The following PRKCD variants were observed in gnomAD, a reference collection of about 807,000 sequenced individuals.
PRKCD encodes protein kinase C delta.
Under a neutral mutation model 82.2 loss-of-function variants are expected in PRKCD, and 20 were observed. The ratio of observed to expected loss-of-function variants is 0.24; its 90% CI spans 0.17 to 0.35. PRKCD has a LOEUF of 0.35. PRKCD is among the 10% of genes least tolerant of loss of function. The pLI is 1.00. For synonymous variants in PRKCD, 317 were observed against 337.0 expected, an observed-to-expected ratio of 0.94 and a Z score of 0.65; for missense variants, 607 against 899.0, an observed-to-expected ratio of 0.68 and a Z score of 4.15.
At chr3:53,166,279 G>A (rs1438933517) in intron 2 of PRKCD, among the ~76,000 whole-genome samples, 1 of 152,182 alleles carries the variant, frequency 6.6e-6, no homozygotes, top group African/African-American at 2.4e-5. Context: ...AACCTGGTGT[G>A]GAGGAAGTAA....
intron 2 of PRKCD, among the ~76,000 whole-genome samples, chr3:53,166,277 G>A (rs1241371738): frequency 6.6e-6 from 1 of 152,178 alleles, no homozygotes; most frequent in Non-Finnish European, 1.5e-5. Flanking sequence ...TAAACCTGGT[G>A]TGGAGGAAGT....
At chr3:53,178,344 C>A in intron 2 of PRKCD, 60 bp from the exon 3 acceptor site, 1 of 1,149,142 alleles carries the variant, frequency 8.7e-7, no homozygotes, top group Non-Finnish European at 1.3e-6. Flanking sequence ...CTGAGTGCTG[C>A]CCGTGACTGT....
rs1338539106 is a variant in PRKCD, at chr3:53,169,212, G to A, written c.-20+3997G>A. Among the ~76,000 whole-genome samples, 1 of 152,152 alleles carries A rather than the reference G, an allele frequency of 6.6e-6. No individual in the cohort carries two copies. The highest frequency in any genetic ancestry group is 1.5e-5 in the Non-Finnish European group (1 of 68,012). ...GAGGGGAACGGCGGGGGACTGGTGT[G>A]GGCAGGCTTGAGCTCTTCTGGAGTC... On this transcript the variant is annotated intron_variant, in intron 2 of 18. Transcript: ENST00000330452. The surrounding 1 kb of genome is among the most constrained non-coding windows in gnomAD (Gnocchi z 4.7).
rs1215512911 is a variant in PRKCD at position 53,179,799 on chromosome 3, C to T, written c.315+23C>T. 9 of 1,410,006 alleles carry T rather than the reference C, an allele frequency of 6.4e-6. No homozygotes were observed. The African/African-American group carries it at 7.0e-5, about 11-fold the overall frequency. 87.3% of individuals were successfully genotyped at this position (1,410,006 alleles called of 1,614,324 possible). A position where few individuals can be genotyped will look rare whatever the true frequency, so the allele number is the denominator to read the frequency against. On this transcript the variant is annotated intron_variant, in intron 4 of 18. Transcript: ENST00000330452. ...TGGGTAAGGGGCGCACGAGCCGTGC[C>T]GTGTGTGTGTGTGTGTGTGTCTGTG... is the stretch of plus-strand genomic sequence containing the variant.
intron 3 of PRKCD, 91 bp downstream of exon 3, chr3:53,178,628 T>C: frequency 9.7e-7 from 1 of 1,029,428 alleles, no homozygotes; most frequent in Non-Finnish European, 1.4e-6. Context: ...CCCTGCAACC[T>C]CTGAAGGATT....
intron 2 of PRKCD, among the ~76,000 whole-genome samples, chr3:53,172,210 C>T (rs537500907): frequency 3.3e-4 from 50 of 152,168 alleles, no homozygotes; most frequent in African/African-American, 1.2e-3. Context: ...TAGCCTTTCC[C>T]CTCCCACCTC....
chr3:53,174,009 C>A (rs1703133316), intron 2 of PRKCD, among the ~76,000 whole-genome samples: 2 of 152,226 alleles, frequency 1.3e-5, no homozygotes, highest in Non-Finnish European at 2.9e-5. Context: ...AGGACCTGGG[C>A]TGCAACATCG....
rs782388198 is a variant in PRKCD at position 53,185,776 on chromosome 3, AT to A, written c.985+78del. The A allele has an allele frequency of 3.2e-6, 5 of 1,548,734 alleles. No homozygotes were observed. The East Asian group carries it at 1.1e-4, about 35-fold the overall frequency. ...AAGAAAGGGGACTGTCCTCCCTTCCATTGTCAAGTGAGACATGGAAGGAACC... is the reference window on the plus strand; with the variant it reads ...AAGAAAGGGGACTGTCCTCCCTTCCATGTCAAGTGAGACATGGAAGGAACC... On this transcript the variant is annotated intron_variant, in intron 11 of 18. Coordinates refer to ENST00000330452, the MANE Select transcript of PRKCD (RefSeq NM_006254.4).
At chr3:53,161,857 C>T (rs1370876166) in intron 1 of PRKCD, among the ~76,000 whole-genome samples, 1 of 141,910 alleles carries the variant, frequency 7.0e-6, no homozygotes, top group Admixed American at 7.0e-5. Context: ...TCGCCCCACC[C>T]CCACCCACAC....
intron 7 of PRKCD, among the ~76,000 whole-genome samples, chr3:53,182,276 T>G (rs75714659): frequency 1.1e-5 from 1 of 93,830 alleles, no homozygotes; most frequent in African/African-American, 4.5e-5. Context: ...ATCTATAATT[T>G]TTTTTTTTTT....
rs1575525325 is a variant in PRKCD, at chr3:53,169,209, T to C, written c.-20+3994T>C. On this transcript the variant is annotated intron_variant, in intron 2 of 18. Coordinates refer to ENST00000330452, the MANE Select transcript of PRKCD (RefSeq NM_006254.4). This position sits in a 1 kb window ranked among gnomAD's most constrained non-coding sequence, Gnocchi z 4.7. Reference sequence around the variant, plus strand: ...TGGGAGGGGAACGGCGGGGGACTGGTGTGGGCAGGCTTGAGCTCTTCTGGA... The same window carrying C: ...TGGGAGGGGAACGGCGGGGGACTGGCGTGGGCAGGCTTGAGCTCTTCTGGA... Among the ~76,000 whole-genome samples the C allele has an allele frequency of 6.6e-6, 1 of 151,720 alleles. No homozygotes were observed. The highest frequency in any genetic ancestry group is 2.4e-5 in the African/African-American group (1 of 41,268).
rs1372455093 is a variant in PRKCD, at chr3:53,169,995, C to T, written c.-20+4780C>T. ...CGGGATGGTCCTGCCTCTCTCCCAG[C>T]TTTCTCAATATCCCCAAAGTGGGGA... On this transcript the variant is annotated intron_variant, in intron 2 of 18. Coordinates refer to ENST00000330452, the MANE Select transcript of PRKCD (RefSeq NM_006254.4). This position sits in a 1 kb window ranked among gnomAD's most constrained non-coding sequence, Gnocchi z 4.7. Among the ~76,000 whole-genome samples the T allele has an allele frequency of 1.3e-5, 2 of 152,222 alleles. No homozygotes were observed. Among genetic ancestry groups the T allele is most frequent in the Non-Finnish European group, 2.9e-5 (2 of 68,038 alleles).
At chr3:53,183,287 C>A in intron 8 of PRKCD, 81 bp downstream of exon 8, 1 of 1,554,046 alleles carries the variant, frequency 6.4e-7, no homozygotes. Flanking sequence ...CCCCACCCTC[C>A]CTGGGGAGCT....
At chr3:53,175,800 A>G (rs1553665788) in intron 2 of PRKCD, among the ~76,000 whole-genome samples, 1 of 152,174 alleles carries the variant, frequency 6.6e-6, no homozygotes, top group African/African-American at 2.4e-5. Context: ...AGACCTGCCA[A>G]TCATTCCAGA....
At chr3:53,165,602 C>G (rs72967449) in intron 2 of PRKCD, among the ~76,000 whole-genome samples, 17,207 of 152,262 alleles carry the variant, frequency 0.11, 2,168 homozygotes, top group African/African-American at 0.31. Context: ...CTCACCTCAT[C>G]ATCACACAAG....
chr3:53,183,927 A>G (rs1703567651), intron 9 of PRKCD, among the ~76,000 whole-genome samples: 1 of 152,224 alleles, frequency 6.6e-6, no homozygotes. Flanking sequence ...CCTCTGCTTC[A>G]CTTAGAGATG....
chr3:53,179,926 T>A (rs1703374439), intron 4 of PRKCD, 150 bp downstream of exon 4: 1 of 905,172 alleles, frequency 1.1e-6, no homozygotes, highest in Non-Finnish European at 1.7e-6. Context: ...AGTCCAGCCC[T>A]GTGGCCAACA....
Position 53,178,823 on chromosome 3 carries a change from C to T in PRKCD, c.115+286C>T, listed in dbSNP as rs576576321. Among the ~76,000 whole-genome samples the T allele has an allele frequency of 7.0e-4, 107 of 152,276 alleles. 1 individual carries two copies. Among genetic ancestry groups the T allele is most frequent in the African/African-American group, 2.5e-3 (102 of 41,544 alleles). ...ATGTCCATTTGTGCCAGGGCCTGTG[C>T]GGGGCACTGAGGATACTGTCATGCT... On this transcript the variant is annotated intron_variant, in intron 3 of 18. Transcript: ENST00000330452.
intron 1 of PRKCD, among the ~76,000 whole-genome samples, chr3:53,162,314 G>A (rs1702698633): frequency 6.6e-6 from 1 of 152,080 alleles, no homozygotes; most frequent in South Asian, 2.1e-4. Context: ...GGCAGAAGGA[G>A]AGCACCATCG....
Sources: gnomAD v4.1 joint callset for allele counts (sites outside exome capture counted in the v4.1 genomes callset) on GRCh38, gnomAD v4.1.1 for gene constraint, Gnocchi (gnomAD v3.1) non-coding constraint, MANE v1.5 for transcripts, NCBI Gene and HGNC (gene_info 2026-07-23, HGNC 2026-07-21) for gene names.